CAPN13: variants seen among roughly 807,000 people sequenced by gnomAD.
CAPN13 encodes the protein calpain 13, also known as calpain-13.
A neutral mutation model predicts 98.4 loss-of-function variants in CAPN13; 90 were observed. That is an observed-to-expected ratio of 0.92 (90% confidence interval 0.77 to 1.09). The LOEUF is 1.09. Among genes scored for constraint, CAPN13 ranks in the 50% least tolerant of loss-of-function variants. The pLI is 0.00. For synonymous variants in CAPN13, 330 were observed against 305.5 expected (o/e 1.08, Z -0.84); for missense variants, 887 against 841.3 (o/e 1.05, Z -0.67).
At chr2:30,744,642 C>A (rs1291266209) in intron 12 of CAPN13, among the ~76,000 whole-genome samples, 1 of 152,180 alleles carries the variant, frequency 6.6e-6, no homozygotes, top group Non-Finnish European at 1.5e-5. Flanking sequence ...CCTGCTCCCT[C>A]TGTTGACCCC....
At chr2:30,747,927 T>A (rs1349380910) in intron 11 of CAPN13, among the ~76,000 whole-genome samples, 4 of 152,240 alleles carry the variant, frequency 2.6e-5, no homozygotes, top group African/African-American at 9.6e-5. Flanking sequence ...TGGTGAGAAG[T>A]AACACATCTC....
Position 30,763,121 on chromosome 2 carries a change from C to CA in CAPN13, c.734dup (p.Val246GlyfsTer12). On this transcript the variant is annotated frameshift_variant, in exon 7 of 23. Transcript: ENST00000295055. LOFTEE classifies it high-confidence loss of function. The stretch of plus-strand genomic sequence containing the variant: ...TCACAGTGTAGGCATGGAGACTCAC[C>CA]AGCCCATTCTCCATCGCCTGTGCTG... 1 of 1,611,624 alleles carries CA rather than the reference C, an allele frequency of 6.2e-7. No individual in the cohort carries two copies. Among genetic ancestry groups the CA allele is most frequent in the Non-Finnish European group, 8.5e-7 (1 of 1,179,018 alleles).
chr2:30,757,627 C>T (rs1168812150), intron 8 of CAPN13, among the ~76,000 whole-genome samples: 1 of 152,324 alleles, frequency 6.6e-6, no homozygotes, highest in Middle Eastern at 3.4e-3. Context: ...GGATCAGAAT[C>T]CCATGGGTCC....
At chr2:30,802,300 C>T (rs986465480) in intron 1 of CAPN13, among the ~76,000 whole-genome samples, 1 of 152,112 alleles carries the variant, frequency 6.6e-6, no homozygotes, top group South Asian at 2.1e-4. Flanking sequence ...GGTCAACCTT[C>T]TTGTTCTGGA....
At chr2:30,770,630 G>T (rs1673355295) in intron 4 of CAPN13, among the ~76,000 whole-genome samples, 181 bp from the exon 5 acceptor site, 1 of 152,240 alleles carries the variant, frequency 6.6e-6, no homozygotes, top group African/African-American at 2.4e-5. Flanking sequence ...ACCGGCAGAT[G>T]GAGAAAATGA....
chr2:30,800,418 G>A lies in CAPN13; in HGVS notation c.-33+6884C>T, dbSNP rs370012221. ...TGCTGTGTGGACCCAGCCTCTTCCTGAATCATAGCTCAGAGAGCTCTGCTG... is the reference window on the plus strand; with the variant it reads ...TGCTGTGTGGACCCAGCCTCTTCCTAAATCATAGCTCAGAGAGCTCTGCTG... On this transcript the variant is annotated intron_variant, in intron 1 of 22. Transcript: ENST00000295055. Among the ~76,000 whole-genome samples, 161 of 152,342 alleles carry A rather than the reference G, an allele frequency of 1.1e-3. 5 individuals are homozygous for A. In the South Asian group the frequency reaches 0.032, roughly 31 times the overall value.
chr2:30,797,905 C>A (rs1358369820), intron 1 of CAPN13, among the ~76,000 whole-genome samples: 1 of 152,242 alleles, frequency 6.6e-6, no homozygotes, highest in Non-Finnish European at 1.5e-5. Context: ...TCTGAGGGGG[C>A]TTTTTCCTCC....
intron 2 of CAPN13, among the ~76,000 whole-genome samples, chr2:30,781,834 A>G (rs1312101035): frequency 2.0e-5 from 3 of 152,188 alleles, no homozygotes; most frequent in Non-Finnish European, 4.4e-5. Flanking sequence ...ATACATCAAT[A>G]TGTTAATGAG....
intron 4 of CAPN13, among the ~76,000 whole-genome samples, chr2:30,775,353 G>A (rs558689110): frequency 6.6e-6 from 1 of 152,176 alleles, no homozygotes; most frequent in South Asian, 2.1e-4. Context: ...AACTAGTTCT[G>A]AATAAATGGA....
rs578223420 is a variant in CAPN13, at chr2:30,758,962, CTTCT to C, written c.775-829_775-826del. Among the ~76,000 whole-genome samples, 540 of 123,840 alleles carry C rather than the reference CTTCT, an allele frequency of 4.4e-3. 3 individuals carry two copies. The highest frequency in any genetic ancestry group is 0.015 in the African/African-American group (480 of 31,056). The allele number at this position is 123,840 out of a possible 152,430, so 81.2% of individuals were successfully genotyped here. A position where few individuals can be genotyped will look rare whatever the true frequency, so the allele number is the denominator to read the frequency against. ...CCTCCCTCCCTTTCTTCCCTCCTTC[CTTCT>C]GTTTCTTTCCTTTCTTCCCCCCTTG... On this transcript the variant is annotated intron_variant, in intron 7 of 22. Transcript: ENST00000295055.
chr2:30,762,338 G>T (rs1343443311), intron 7 of CAPN13, among the ~76,000 whole-genome samples: 1 of 152,200 alleles, frequency 6.6e-6, no homozygotes, highest in African/African-American at 2.4e-5. Flanking sequence ...GTCCTACAGT[G>T]CCAGCCTCCT....
At chr2:30,772,352 C>G (rs1045057776) in intron 4 of CAPN13, among the ~76,000 whole-genome samples, 1 of 152,210 alleles carries the variant, frequency 6.6e-6, no homozygotes, top group Non-Finnish European at 1.5e-5. Context: ...CACTGGGTAA[C>G]TTTTGGAAAG....
At chr2:30,791,980 C>T (rs1408873522) in intron 1 of CAPN13, among the ~76,000 whole-genome samples, 2 of 152,130 alleles carry the variant, frequency 1.3e-5, no homozygotes, top group Non-Finnish European at 2.9e-5. Flanking sequence ...TTTATTGCCC[C>T]GGTTTCTCTC....
chr2:30,732,250 G>C (rs1202256564), intron 20 of CAPN13, among the ~76,000 whole-genome samples, 188 bp downstream of exon 20: 3 of 152,190 alleles, frequency 2.0e-5, no homozygotes, highest in African/African-American at 7.2e-5. Context: ...GGAACTACAG[G>C]GGAGAGGGGG....
intron 12 of CAPN13, among the ~76,000 whole-genome samples, chr2:30,744,630 G>C (rs1208623719): frequency 6.6e-5 from 10 of 152,118 alleles, no homozygotes; most frequent in Non-Finnish European, 1.3e-4. Flanking sequence ...CCGTTATCTT[G>C]TCCTGCTCCC....
chr2:30,760,930 C>T (rs1428137506), intron 7 of CAPN13, among the ~76,000 whole-genome samples: 2 of 152,188 alleles, frequency 1.3e-5, no homozygotes, highest in African/African-American at 2.4e-5. Flanking sequence ...GGAGGTGGCC[C>T]GAGTTATCTA....
chr2:30,772,764 G>T (rs1157274420), intron 4 of CAPN13, among the ~76,000 whole-genome samples: 1 of 151,932 alleles, frequency 6.6e-6, no homozygotes, highest in Non-Finnish European at 1.5e-5. Flanking sequence ...TCCCAGACAA[G>T]ATTAATTTTT....
rs1289925906 is a variant in CAPN13 at position 30,800,128 on chromosome 2, G to GA, written c.-33+7173dup. ...AAAGAAAAGAAAGAAAAGAAAGAAA[G>GA]AAAGAAAGAAAGAAAGAAAGAAAGA... On this transcript the variant is annotated intron_variant, in intron 1 of 22. Coordinates refer to ENST00000295055, the MANE Select transcript of CAPN13 (RefSeq NM_144575.3). 4.6e-5 allele frequency among the ~76,000 whole-genome samples: 6 copies of GA among 129,454 alleles called. No individual in the cohort carries two copies. In the East Asian group the frequency reaches 1.1e-3, roughly 24 times the overall value. 84.9% of individuals were successfully genotyped at this position (129,454 alleles called of 152,430 possible).
chr2:30,771,492 G>C (rs1673408959), intron 4 of CAPN13, among the ~76,000 whole-genome samples: 1 of 152,236 alleles, frequency 6.6e-6, no homozygotes, highest in South Asian at 2.1e-4. Context: ...AGCTGCTAAT[G>C]AGCCAGTGCA....
Sources: allele counts gnomAD v4.1 joint callset (sites outside exome capture counted in the v4.1 genomes callset), GRCh38; gene constraint gnomAD v4.1.1; transcripts MANE v1.5; gene names NCBI Gene and HGNC (gene_info 2026-07-23, HGNC 2026-07-21).